The following PTPRN2 variants were observed in gnomAD, a reference collection of about 807,000 sequenced individuals.
PTPRN2 encodes receptor-type tyrosine-protein phosphatase N2.
PTPRN2 carries 74 observed loss-of-function variants against 118.8 expected under a neutral mutation model. That is an observed-to-expected ratio of 0.62 (90% CI 0.52 to 0.76). PTPRN2 has a LOEUF of 0.76. Among genes scored for constraint, PTPRN2 ranks in the 30% least tolerant of loss-of-function variants. PTPRN2 has a pLI of 0.00. For missense variants in PTPRN2, 1,481 were observed against 1,394.4 expected (o/e 1.06, Z -0.99); for synonymous variants, 641 against 608.0 (o/e 1.05, Z -0.80).
chr7:157,851,691 C>G (rs533811283), intron 12 of PTPRN2, among the ~76,000 whole-genome samples: 1 of 152,326 alleles, frequency 6.6e-6, no homozygotes, highest in South Asian at 2.1e-4. Flanking sequence ...ACATTTGAAA[C>G]CCTAACAAAA....
intron 11 of PTPRN2, among the ~76,000 whole-genome samples, chr7:158,005,239 G>A (rs770763390): frequency 1.7e-4 from 26 of 151,802 alleles, no homozygotes; most frequent in African/African-American, 2.9e-4. Flanking sequence ...CACACTTGGC[G>A]AATTTTGTAT....
At chr7:158,086,997 G>T (rs187356592) in intron 10 of PTPRN2, among the ~76,000 whole-genome samples, 1 of 152,138 alleles carries the variant, frequency 6.6e-6, no homozygotes, top group East Asian at 1.9e-4. Flanking sequence ...CTCGCGGGGC[G>T]ATTTTGCACA....
chr7:157,587,269 A>G lies in PTPRN2; in HGVS notation c.2496+7969T>C, dbSNP rs369044052. Among the ~76,000 whole-genome samples the G allele has an allele frequency of 8.1e-5, 11 of 136,236 alleles. No individual in the cohort carries two copies. The highest frequency in any genetic ancestry group is 4.5e-4 in the Admixed American group (6 of 13,470). The allele number at this position is 136,236 out of a possible 152,430, so 89.4% of individuals were successfully genotyped here. ...AGACAGGCAGACAGACAGGCAGACA[A>G]ACAGGCAGACAGGCAGACGAGCCAC... On this transcript the variant is annotated intron_variant, in intron 17 of 22. Transcript: ENST00000389418. This position sits in a 1 kb window ranked among gnomAD's most constrained non-coding sequence, Gnocchi z 5.3.
chr7:157,722,227 A>G (rs1799278260), intron 12 of PTPRN2, among the ~76,000 whole-genome samples: 1 of 152,228 alleles, frequency 6.6e-6, no homozygotes, highest in African/African-American at 2.4e-5. Context: ...GGGTGAGACC[A>G]CGTGTGCCAT....
chr7:158,451,685 TC>T (rs1418886758), intron 2 of PTPRN2, among the ~76,000 whole-genome samples: 2 of 152,224 alleles, frequency 1.3e-5, no homozygotes, highest in Admixed American at 1.3e-4. Flanking sequence ...CGCGGTTTTT[TC>T]CTATGATAAT....
intron 12 of PTPRN2, among the ~76,000 whole-genome samples, chr7:157,687,267 T>C (rs552997675): frequency 6.6e-6 from 1 of 152,338 alleles, no homozygotes; most frequent in East Asian, 1.9e-4. Flanking sequence ...AAAGGACATG[T>C]TATGCCCAAA....
chr7:157,922,458 C>T (rs1554491960), intron 11 of PTPRN2, among the ~76,000 whole-genome samples: 2 of 152,090 alleles, frequency 1.3e-5, no homozygotes, highest in African/African-American at 2.4e-5. Context: ...TGGAATTGCA[C>T]TGAAATTGGA....
At chr7:158,302,461 AG>A (rs921309427) in intron 3 of PTPRN2, among the ~76,000 whole-genome samples, 1 of 152,184 alleles carries the variant, frequency 6.6e-6, no homozygotes, top group African/African-American at 2.4e-5. Context: ...ACTGCATTCC[AG>A]CTCACCTTCT....
At chr7:157,621,800 G>A (rs184549181) in intron 14 of PTPRN2, among the ~76,000 whole-genome samples, 7 of 151,716 alleles carry the variant, frequency 4.6e-5, no homozygotes, top group Admixed American at 1.3e-4. Flanking sequence ...ATGCTTTAAC[G>A]ACAGGGCCAG....
chr7:157,693,700 G>T (rs369868382), intron 12 of PTPRN2, among the ~76,000 whole-genome samples: 3 of 152,032 alleles, frequency 2.0e-5, no homozygotes, highest in East Asian at 3.9e-4. Flanking sequence ...GGCCGGCTCC[G>T]GGCAGAGGCC....
At chr7:157,651,753 G>A (rs4716487) in intron 14 of PTPRN2, among the ~76,000 whole-genome samples, 209 of 152,360 alleles carry the variant, frequency 1.4e-3, no homozygotes, top group Admixed American at 3.5e-3. Flanking sequence ...ACACGCAGCC[G>A]CTTTGATAAC....
intron 2 of PTPRN2, among the ~76,000 whole-genome samples, chr7:158,320,464 C>T (rs1234635688): frequency 6.6e-6 from 1 of 151,754 alleles, no homozygotes; most frequent in Non-Finnish European, 1.5e-5. Flanking sequence ...GTGGCCGTGC[C>T]ATTTTTCACT....
rs75989611 is a variant in PTPRN2, at chr7:157,660,383, A to G, written c.2002-3832T>C. Among the ~76,000 whole-genome samples the G allele has an allele frequency of 9.9e-3, 1,508 of 152,308 alleles. 52 individuals carry two copies. Among genetic ancestry groups the G allele is most frequent in the South Asian group, 0.093 (445 of 4,808 alleles). ...AGTGCCATGGAGGGTGAAGCCACCA[A>G]GAGGCCCCACAGGACTGAGGTCCCT... On this transcript the variant is annotated intron_variant, in intron 13 of 22. Coordinates refer to ENST00000389418, the MANE Select transcript of PTPRN2 (RefSeq NM_002847.5).
chr7:158,303,405 C>T (rs1394321474), intron 3 of PTPRN2, among the ~76,000 whole-genome samples: 3 of 152,180 alleles, frequency 2.0e-5, no homozygotes, highest in African/African-American at 7.2e-5. Context: ...AAGGAAAGCA[C>T]CAGTAGAATT....
chr7:158,251,876 G>A lies in PTPRN2; in HGVS notation c.278-46603C>T, dbSNP rs188047187. On this transcript the variant is annotated intron_variant, in intron 3 of 22. Coordinates refer to ENST00000389418, the MANE Select transcript of PTPRN2 (RefSeq NM_002847.5). ...ACAGTAAGTGTGCAAATCCTGAAAC[G>A]CTGTAAAACTGGACCTGTGACTTGA... Among the ~76,000 whole-genome samples, 37 of 152,234 alleles carry A rather than the reference G, an allele frequency of 2.4e-4. No individual in the cohort carries two copies. In the East Asian group the frequency reaches 5.2e-3, roughly 21 times the overall value.
chr7:157,843,602 C>A (rs543667888), intron 12 of PTPRN2, among the ~76,000 whole-genome samples: 1 of 152,174 alleles, frequency 6.6e-6, no homozygotes, highest in East Asian at 1.9e-4. Flanking sequence ...GGTGGAGAGA[C>A]GGCTGGTGCA....
chr7:157,890,834 G>A (rs1431692855), intron 12 of PTPRN2, among the ~76,000 whole-genome samples: 1 of 152,140 alleles, frequency 6.6e-6, no homozygotes, highest in Non-Finnish European at 1.5e-5. Context: ...TCACCTGTTG[G>A]CATTTCCCAA....
rs1012492110 is a variant in PTPRN2, at chr7:157,780,382, G to A, written c.1789-97445C>T. 3.3e-5 allele frequency among the ~76,000 whole-genome samples: 5 copies of A among 152,206 alleles called. No individual in the cohort carries two copies. Among genetic ancestry groups the A allele is most frequent in the Non-Finnish European group, 5.9e-5 (4 of 68,034 alleles). On this transcript the variant is annotated intron_variant, in intron 12 of 22. Transcript: ENST00000389418. The surrounding 1 kb of genome is among the most constrained non-coding windows in gnomAD (Gnocchi z 4.5). ...AGCCATATCTGTCAGTTTATATAAG[G>A]GGTGGCGGCTGCTCAGCGAGGCCTC...
At chr7:157,940,796 C>CAA (rs2128790711) in intron 11 of PTPRN2, among the ~76,000 whole-genome samples, 2 of 89,072 alleles carry the variant, frequency 2.2e-5, no homozygotes, top group South Asian at 3.5e-4. Flanking sequence ...AACACCCTCC[C>CAA]CCATGACACT....
Sources: gnomAD v4.1 joint callset for allele counts (sites outside exome capture counted in the v4.1 genomes callset) on GRCh38, gnomAD v4.1.1 for gene constraint, Gnocchi (gnomAD v3.1) non-coding constraint, MANE v1.5 for transcripts, NCBI Gene and HGNC (gene_info 2026-07-23, HGNC 2026-07-21) for gene names.